Variants in LRRTM4 observed in about 807,000 individuals in gnomAD.
The protein encoded by LRRTM4 is leucine-rich repeat transmembrane neuronal protein 4.
In LRRTM4, 25 loss-of-function variants were observed where a neutral mutation model predicts 47.6. The observed-to-expected ratio is 0.53, with a 90% CI of 0.38 to 0.73. LRRTM4 has a LOEUF of 0.73. LRRTM4 is among the 30% of genes least tolerant of loss of function. The pLI, the probability that LRRTM4 is intolerant of heterozygous loss-of-function variation, is 0.00. For missense variants in LRRTM4, 638 were observed against 713.4 expected, an observed-to-expected ratio of 0.89 and a Z score of 1.20; for synonymous variants, 311 against 269.5, an observed-to-expected ratio of 1.15 and a Z score of -1.51.
At chr2:76,902,151 T>C (rs2103748254) in intron 3 of LRRTM4, among the ~76,000 whole-genome samples, 1 of 152,294 alleles carries the variant, frequency 6.6e-6, no homozygotes, top group South Asian at 2.1e-4. Context: ...CACTTAACTA[T>C]ATCTATTTAA....
chr2:77,027,605 C>T (rs1415795957), intron 3 of LRRTM4, among the ~76,000 whole-genome samples: 1 of 152,130 alleles, frequency 6.6e-6, no homozygotes, highest in African/African-American at 2.4e-5. Flanking sequence ...AGTGTACTAT[C>T]AGCTCTAAAT....
At chr2:76,769,113 T>A (rs1673578565) in intron 3 of LRRTM4, among the ~76,000 whole-genome samples, 1 of 152,184 alleles carries the variant, frequency 6.6e-6, no homozygotes, top group African/African-American at 2.4e-5. Flanking sequence ...CTATAAAGAA[T>A]GTATTTCATT....
At chr2:76,790,100 A>G (rs1185100422) in intron 3 of LRRTM4, among the ~76,000 whole-genome samples, 1 of 152,192 alleles carries the variant, frequency 6.6e-6, no homozygotes, top group Non-Finnish European at 1.5e-5. Flanking sequence ...CTTTCCTAGC[A>G]TCAGAGATTT....
intron 3 of LRRTM4, among the ~76,000 whole-genome samples, chr2:76,836,536 G>T: frequency 6.7e-6 from 1 of 150,204 alleles, no homozygotes; most frequent in Non-Finnish European, 1.5e-5. Flanking sequence ...ATTTTTAGTT[G>T]TAAAGGCAGT....
intron 3 of LRRTM4, among the ~76,000 whole-genome samples, chr2:77,030,920 T>G (rs1678629787): frequency 6.6e-6 from 1 of 152,208 alleles, no homozygotes. Flanking sequence ...GTTCTAATAT[T>G]GTTACTTGCA....
chr2:77,077,119 C>T (rs763899079), intron 3 of LRRTM4, among the ~76,000 whole-genome samples: 2 of 152,104 alleles, frequency 1.3e-5, no homozygotes, highest in Non-Finnish European at 2.9e-5. Context: ...CATAGAGTAT[C>T]ACACCATATG....
chr2:77,057,672 C>T (rs915195753), intron 3 of LRRTM4, among the ~76,000 whole-genome samples: 7 of 152,150 alleles, frequency 4.6e-5, no homozygotes, highest in Non-Finnish European at 7.4e-5. Flanking sequence ...AACGCAAGTG[C>T]CCTTCCCCTA....
chr2:77,099,679 A>G (rs1389171259), intron 3 of LRRTM4, among the ~76,000 whole-genome samples: 3 of 151,874 alleles, frequency 2.0e-5, no homozygotes, highest in African/African-American at 7.3e-5. Flanking sequence ...ATGTTAAGTA[A>G]TAGGGAGAAC....
At chr2:77,253,315 TAG>T (rs1675673681) in intron 3 of LRRTM4, among the ~76,000 whole-genome samples, 2 of 152,116 alleles carry the variant, frequency 1.3e-5, no homozygotes, top group Non-Finnish European at 1.5e-5. Flanking sequence ...TTGGACCTAG[TAG>T]AGAGTCAGGA....
intron 3 of LRRTM4, among the ~76,000 whole-genome samples, chr2:77,485,273 G>C (rs1677865749): frequency 6.6e-6 from 1 of 152,088 alleles, no homozygotes; most frequent in Non-Finnish European, 1.5e-5. Flanking sequence ...GAGAGACAAA[G>C]AGACCAAGTA....
intron 3 of LRRTM4, among the ~76,000 whole-genome samples, chr2:77,278,882 C>G (rs1190276240): frequency 6.6e-6 from 1 of 151,984 alleles, no homozygotes; most frequent in Non-Finnish European, 1.5e-5. Context: ...TGTCCTTGTT[C>G]CACTAGCCTG....
At chr2:76,749,817 G>T (rs753299571) in intron 3 of LRRTM4, among the ~76,000 whole-genome samples, 2 of 152,182 alleles carry the variant, frequency 1.3e-5, no homozygotes, top group Non-Finnish European at 2.9e-5. Context: ...CTTACTTGTT[G>T]TTCTCATGCT....
intron 3 of LRRTM4, among the ~76,000 whole-genome samples, chr2:77,130,661 G>A (rs1671770368): frequency 6.7e-6 from 1 of 149,768 alleles, no homozygotes; most frequent in African/African-American, 2.5e-5. Flanking sequence ...ACAGGCGCCG[G>A]CCACCACTCT....
chr2:77,206,494 A>G (rs555291616), intron 3 of LRRTM4, among the ~76,000 whole-genome samples: 58 of 150,258 alleles, frequency 3.9e-4, no homozygotes, highest in Non-Finnish European at 7.3e-4. Context: ...CTCAAAAAAG[A>G]TTTTTTTTGA....
chr2:77,469,231 G>A (rs939203483), intron 3 of LRRTM4, among the ~76,000 whole-genome samples: 8 of 152,180 alleles, frequency 5.3e-5, no homozygotes, highest in Non-Finnish European at 1.0e-4. Flanking sequence ...AGTATGCCTG[G>A]GCAAAGGAAG....
chr2:77,520,623 C>T (rs1679449891), intron 2 of LRRTM4, among the ~76,000 whole-genome samples: 1 of 152,068 alleles, frequency 6.6e-6, no homozygotes, highest in Non-Finnish European at 1.5e-5. Context: ...TATTATTTGC[C>T]TAAAAAGCAA....
chr2:77,352,591 C>T (rs1573298197), intron 3 of LRRTM4, among the ~76,000 whole-genome samples: 1 of 152,054 alleles, frequency 6.6e-6, no homozygotes. Flanking sequence ...CCAAGTTTGT[C>T]CCTGCTTGAT....
intron 3 of LRRTM4, among the ~76,000 whole-genome samples, chr2:77,016,165 A>T (rs893483798): frequency 6.6e-6 from 1 of 152,044 alleles, no homozygotes; most frequent in Non-Finnish European, 1.5e-5. Flanking sequence ...AGGAGGGCAG[A>T]TCAAGAGGTC....
chr2:76,771,973 AG>A (rs1255560841), intron 3 of LRRTM4, among the ~76,000 whole-genome samples: 1 of 152,204 alleles, frequency 6.6e-6, no homozygotes, highest in African/African-American at 2.4e-5. Flanking sequence ...ATCAAAACAT[AG>A]GGAGTAGGTA....
Sources: gnomAD v4.1 joint callset for allele counts (sites outside exome capture counted in the v4.1 genomes callset) on GRCh38, gnomAD v4.1.1 for gene constraint, MANE v1.5 for transcripts, NCBI Gene and HGNC (gene_info 2026-07-23, HGNC 2026-07-21) for gene names.